The following TRAK1 variants were observed in gnomAD, a reference collection of about 807,000 sequenced individuals.
TRAK1 encodes trafficking kinesin protein 1.
A neutral mutation model predicts 92.1 loss-of-function variants in TRAK1; 33 were observed. That is an observed-to-expected ratio of 0.36 (90% CI 0.27 to 0.48). The LOEUF (loss-of-function observed/expected upper bound fraction) is 0.48. Among genes scored for constraint, TRAK1 ranks in the 20% least tolerant of loss-of-function variants. The probability of loss-of-function intolerance (pLI) is 0.99; values close to 1 mark genes in which losing one functional copy is unlikely to be tolerated. For missense variants in TRAK1, 1,123 were observed against 1,257.9 expected (o/e 0.89, Z 1.62); for synonymous variants, 521 against 517.3 (o/e 1.01, Z -0.10).
chr3:42,094,728 A>G (rs1705645171), intron 1 of TRAK1, among the ~76,000 whole-genome samples: 1 of 152,216 alleles, frequency 6.6e-6, no homozygotes, highest in African/African-American at 2.4e-5. Context: ...ATCCTGTTCT[A>G]GGTTTCTCTA....
At chr3:42,181,697 T>C (rs1234010475) in intron 3 of TRAK1, among the ~76,000 whole-genome samples, 1 of 152,210 alleles carries the variant, frequency 6.6e-6, no homozygotes, top group African/African-American at 2.4e-5. Context: ...GTCTGAGAAC[T>C]AGTTCTAGTA....
chr3:42,209,484 C>A (rs1012330365), intron 13 of TRAK1, among the ~76,000 whole-genome samples: 2 of 152,060 alleles, frequency 1.3e-5, no homozygotes, highest in African/African-American at 4.8e-5. Context: ...TTGCCCCAAA[C>A]CTCTTTTGCA....
chr3:42,212,067 T>C (rs998450614), intron 14 of TRAK1: 2 of 985,332 alleles, frequency 2.0e-6, no homozygotes, highest in Non-Finnish European at 1.2e-6. Context: ...CTATTTTCTC[T>C]ATTGGGAATT....
intron 2 of TRAK1, among the ~76,000 whole-genome samples, chr3:42,127,347 CTTTTTTT>C (rs71741232): frequency 7.8e-6 from 1 of 127,860 alleles, no homozygotes; most frequent in Non-Finnish European, 1.6e-5. Context: ...CATTCATACA[CTTTTTTT>C]TTTTTTTTTT....
chr3:42,177,351 G>A (rs772608738), intron 3 of TRAK1, among the ~76,000 whole-genome samples: 4 of 152,168 alleles, frequency 2.6e-5, no homozygotes, highest in Non-Finnish European at 5.9e-5. Flanking sequence ...AAGATTAGGT[G>A]AGCTGCCTGT....
chr3:42,215,401 T>A (rs1194830148), intron 14 of TRAK1, among the ~76,000 whole-genome samples: 1 of 152,244 alleles, frequency 6.6e-6, no homozygotes, highest in Non-Finnish European at 1.5e-5. Context: ...TAGGGGATAG[T>A]CCAAGACACA....
chr3:42,165,711 G>A (rs772591587), intron 2 of TRAK1, among the ~76,000 whole-genome samples: 5 of 152,126 alleles, frequency 3.3e-5, no homozygotes, highest in African/African-American at 9.7e-5. Flanking sequence ...GGTCAGTGTC[G>A]AAGGAGGAAC....
intron 2 of TRAK1, among the ~76,000 whole-genome samples, chr3:42,146,565 T>C (rs1195208535): frequency 6.6e-6 from 1 of 152,182 alleles, no homozygotes; most frequent in Non-Finnish European, 1.5e-5. Context: ...TTTATTTTTT[T>C]AGTTTTTGGG....
At chr3:42,033,078 C>G (rs1702209605) in intron 1 of TRAK1, among the ~76,000 whole-genome samples, 1 of 152,134 alleles carries the variant, frequency 6.6e-6, no homozygotes, top group African/African-American at 2.4e-5. Context: ...GAAGTATTAG[C>G]ACATCACATT....
intron 1 of TRAK1, among the ~76,000 whole-genome samples, chr3:42,026,512 G>A (rs1701922851): frequency 6.7e-6 from 1 of 149,412 alleles, no homozygotes; most frequent in African/African-American, 2.5e-5. Flanking sequence ...TGATCAAAGA[G>A]ATCAGTGATC....
chr3:42,018,410 T>A (rs998592891), intron 1 of TRAK1, among the ~76,000 whole-genome samples: 3 of 152,052 alleles, frequency 2.0e-5, no homozygotes, highest in Non-Finnish European at 4.4e-5. Context: ...ATTTCTAGGG[T>A]CTCCTCTAGT....
chr3:42,165,230 C>T (rs755275727), intron 2 of TRAK1, among the ~76,000 whole-genome samples: 1 of 152,060 alleles, frequency 6.6e-6, no homozygotes, highest in Non-Finnish European at 1.5e-5. Flanking sequence ...ATTCCACTTT[C>T]CTTAGGGGTG....
intron 14 of TRAK1, among the ~76,000 whole-genome samples, chr3:42,215,503 T>G (rs200870052): frequency 1.9e-3 from 16 of 8,322 alleles, no homozygotes; most frequent in Non-Finnish European, 1.9e-3. Flanking sequence ...ACTGTTGGGG[T>G]GTGTGTGTGT....
In TRAK1 at chr3:42,202,818, C is replaced by T. The variant is rs780558831; in HGVS notation, c.1744+66C>T. On this transcript the variant is annotated intron_variant, in intron 13 of 15. Coordinates refer to ENST00000327628, the MANE Select transcript of TRAK1 (RefSeq NM_001042646.3). This position sits in a 1 kb window ranked among gnomAD's most constrained non-coding sequence, Gnocchi z 6.1. The stretch of plus-strand genomic sequence containing the variant: ...GGACTCCCTTTGGTCCCTGATCCAC[C>T]TGCGGAAGGCGGGGCACCTCTGTCA... 8.8e-6 allele frequency: 14 copies of T among 1,590,822 alleles called. No individual in the cohort carries two copies. Among genetic ancestry groups the T allele is most frequent in the Non-Finnish European group, 1.2e-5 (14 of 1,164,502 alleles).
At chr3:42,103,242 A>G (rs1470066929) in intron 1 of TRAK1, among the ~76,000 whole-genome samples, 1 of 152,020 alleles carries the variant, frequency 6.6e-6, no homozygotes, top group Non-Finnish European at 1.5e-5. Context: ...ATCTTGGCTC[A>G]CTGCAATCTC....
chr3:42,059,503 T>C (rs972313700), intron 1 of TRAK1, among the ~76,000 whole-genome samples: 1 of 152,250 alleles, frequency 6.6e-6, no homozygotes, highest in South Asian at 2.1e-4. Flanking sequence ...AAAAGAGAAC[T>C]GTGGCCTGTT....
intron 1 of TRAK1, among the ~76,000 whole-genome samples, chr3:42,059,575 C>T (rs975265676): frequency 2.6e-5 from 4 of 152,076 alleles, no homozygotes; most frequent in Admixed American, 2.6e-4. Flanking sequence ...CACTTCTGTG[C>T]ATTTTCCTAC....
chr3:42,027,278 C>G (rs1701955912), intron 1 of TRAK1, among the ~76,000 whole-genome samples: 1 of 152,166 alleles, frequency 6.6e-6, no homozygotes, highest in South Asian at 2.1e-4. Flanking sequence ...AATCCCAGCA[C>G]TTTGGGAGGC....
Position 42,040,170 on chromosome 3 carries a change from CACA to C in TRAK1, c.-519+26057_-519+26059del, listed in dbSNP as rs1457409842. On this transcript the variant is annotated intron_variant, in intron 1 of 16. Coordinates refer to the TRAK1 transcript ENST00000487159. ...ACTTTTTTGATGGTATCATTTACAG[CACA>C]ACATTTTTAATTTTAATGAAGTCTT... Among the ~76,000 whole-genome samples, 3 of 152,156 alleles carry C rather than the reference CACA, an allele frequency of 2.0e-5. No individual in the cohort carries two copies. In the East Asian group the frequency reaches 5.8e-4, roughly 29 times the overall value.
Sources: allele counts gnomAD v4.1 joint callset (sites outside exome capture counted in the v4.1 genomes callset), GRCh38; gene constraint gnomAD v4.1.1; non-coding constraint Gnocchi (gnomAD v3.1); transcripts MANE v1.5; gene names NCBI Gene and HGNC (gene_info 2026-07-23, HGNC 2026-07-21).